EYS: variants seen among roughly 807,000 people sequenced by gnomAD.
EYS encodes the protein protein eyes shut homolog.
EYS carries 250 observed loss-of-function variants against 282.1 expected under a neutral mutation model. The observed-to-expected ratio is 0.89, with a 90% confidence interval of 0.80 to 0.98. The LOEUF is 0.98. Among genes scored for constraint, EYS ranks in the 50% least tolerant of loss-of-function variants. EYS has a pLI of 0.00. For synonymous variants in EYS, 1,355 were observed against 1,282.9 expected, an observed-to-expected ratio of 1.06 and a Z score of -1.20; for missense variants, 4,016 against 3,709.0, an observed-to-expected ratio of 1.08 and a Z score of -2.15.
intron 28 of EYS, among the ~76,000 whole-genome samples, chr6:64,413,905 G>A (rs1302953907): frequency 6.6e-6 from 1 of 152,090 alleles, no homozygotes; most frequent in Non-Finnish European, 1.5e-5. Context: ...AATAAGATTA[G>A]TGCCTTTAGA....
intron 2 of EYS, among the ~76,000 whole-genome samples, chr6:65,625,125 GAGA>G (rs1329716519): frequency 2.0e-5 from 3 of 152,096 alleles, no homozygotes; most frequent in Non-Finnish European, 4.4e-5. Context: ...TCTAGAGGCT[GAGA>G]AGACCTCAAG....
At chr6:65,465,724 G>A (rs1004295917) in intron 5 of EYS, among the ~76,000 whole-genome samples, 3 of 152,094 alleles carry the variant, frequency 2.0e-5, no homozygotes, top group Non-Finnish European at 4.4e-5. Flanking sequence ...TCCCACTCTT[G>A]TAACTGCAGC....
At chr6:64,140,667 C>T (rs1210849658) in intron 31 of EYS, among the ~76,000 whole-genome samples, 1 of 152,102 alleles carries the variant, frequency 6.6e-6, no homozygotes, top group African/African-American at 2.4e-5. Flanking sequence ...TGGAAGGTCG[C>T]GGGTCCTCTC....
At chr6:64,826,592 G>A (rs577117882) in intron 19 of EYS, among the ~76,000 whole-genome samples, 1 of 151,108 alleles carries the variant, frequency 6.6e-6, no homozygotes, top group Non-Finnish European at 1.5e-5. Flanking sequence ...TTCATAAACT[G>A]ATAGGTTTGA....
At chr6:64,634,192 C>T (rs1767889377) in intron 22 of EYS, among the ~76,000 whole-genome samples, 1 of 152,178 alleles carries the variant, frequency 6.6e-6, no homozygotes, top group South Asian at 2.1e-4. Context: ...CCATGTTGGC[C>T]AGCATGATCT....
intron 15 of EYS, among the ~76,000 whole-genome samples, chr6:64,915,543 T>C (rs1459113384): frequency 6.6e-6 from 1 of 152,100 alleles, no homozygotes; most frequent in Non-Finnish European, 1.5e-5. Context: ...ATAAAAAGTA[T>C]ATATAGTGCC....
chr6:64,665,878 G>T (rs1302668929), intron 22 of EYS, among the ~76,000 whole-genome samples: 5 of 152,110 alleles, frequency 3.3e-5, no homozygotes, highest in African/African-American at 1.2e-4. Flanking sequence ...TACCCAATTT[G>T]CTGTTTTCCC....
rs576396030 is a variant in EYS, at chr6:64,025,825, T to A, written c.6726-26642A>T. On this transcript the variant is annotated intron_variant, in intron 33 of 42. Transcript: ENST00000503581. ...CCTTCCCTCCCTCAGGGTATGGCCC[T>A]CCACTTCATTTTTGGGGCATAACAT... is the stretch of plus-strand genomic sequence containing the variant. Among the ~76,000 whole-genome samples the A allele has an allele frequency of 1.5e-3, 224 of 152,268 alleles. 1 individual carries two copies. The South Asian group carries it at 0.016, about 11-fold the overall frequency.
intron 39 of EYS, 92 bp downstream of exon 39, chr6:63,788,013 G>A (rs1770409637): frequency 1.1e-6 from 1 of 948,980 alleles, no homozygotes; most frequent in Non-Finnish European, 1.5e-6. Context: ...CCATATAGCT[G>A]GTTTGGGAAA....
chr6:64,344,495 C>G (rs1169833781), intron 29 of EYS, among the ~76,000 whole-genome samples: 1 of 152,016 alleles, frequency 6.6e-6, no homozygotes, highest in East Asian at 1.9e-4. Context: ...AGGCCTTTGA[C>G]AAAATTCAAC....
chr6:63,809,281 C>A (rs898933670), intron 36 of EYS, among the ~76,000 whole-genome samples: 1 of 152,150 alleles, frequency 6.6e-6, no homozygotes, highest in African/African-American at 2.4e-5. Flanking sequence ...CCTTACAAAT[C>A]ATTCTTTTCA....
intron 5 of EYS, among the ~76,000 whole-genome samples, chr6:65,436,813 A>G (rs892033578): frequency 1.3e-5 from 2 of 152,126 alleles, no homozygotes; most frequent in Non-Finnish European, 2.9e-5. Flanking sequence ...ATCTGAATAG[A>G]TATAAAGAAT....
chr6:64,494,706 T>C (rs1187976421), intron 26 of EYS, among the ~76,000 whole-genome samples: 1 of 151,372 alleles, frequency 6.6e-6, no homozygotes. Context: ...ACTCTTAACA[T>C]TGGAATATGT....
At chr6:64,625,992 TTAG>T (rs1349529548) in intron 23 of EYS, 126 bp downstream of exon 23, 3 of 551,104 alleles carry the variant, frequency 5.4e-6, no homozygotes, top group Non-Finnish European at 6.3e-6. Context: ...TAAAACTTGA[TTAG>T]TAGTCAACAA....
chr6:65,657,091 T>C (rs1218128054), intron 1 of EYS, among the ~76,000 whole-genome samples: 1 of 151,858 alleles, frequency 6.6e-6, no homozygotes, highest in Non-Finnish European at 1.5e-5. Context: ...TTACTGACTA[T>C]GTTAAGCCCA....
intron 33 of EYS, among the ~76,000 whole-genome samples, chr6:64,034,250 A>G (rs1770005447): frequency 6.6e-6 from 1 of 152,246 alleles, no homozygotes; most frequent in African/African-American, 2.4e-5. Flanking sequence ...TGTTAATACC[A>G]CCACTACTAG....
intron 31 of EYS, among the ~76,000 whole-genome samples, chr6:64,137,884 C>T (rs1301041879): frequency 6.6e-6 from 1 of 152,092 alleles, no homozygotes; most frequent in Non-Finnish European, 1.5e-5. Context: ...TTGCTGGTCA[C>T]AGAGTCCTTA....
intron 5 of EYS, among the ~76,000 whole-genome samples, chr6:65,433,126 G>C (rs570483314): frequency 9.2e-5 from 14 of 152,184 alleles, no homozygotes; most frequent in African/African-American, 3.4e-4. Context: ...GGAGTCCATA[G>C]GAAAAGTCTA....
At chr6:65,089,840 C>T (rs116476942) in intron 12 of EYS, among the ~76,000 whole-genome samples, 4,732 of 151,042 alleles carry the variant, frequency 0.031, 110 homozygotes, top group Middle Eastern at 0.062. Context: ...CCTGTAATCC[C>T]AGCTACTGGG....
Sources: gnomAD v4.1 joint callset for allele counts (sites outside exome capture counted in the v4.1 genomes callset) on GRCh38, gnomAD v4.1.1 for gene constraint, MANE v1.5 for transcripts, NCBI Gene and HGNC (gene_info 2026-07-23, HGNC 2026-07-21) for gene names.